The following LRRIQ1 variants were observed in gnomAD, a reference collection of about 807,000 sequenced individuals.
LRRIQ1 encodes the protein leucine-rich repeat- and IQ domain-containing protein 1.
LRRIQ1 carries 210 observed loss-of-function variants against 211.9 expected under a neutral mutation model. That is an observed-to-expected ratio of 0.99 (90% CI 0.89 to 1.11). The LOEUF is 1.11. LRRIQ1 is among the 50% of genes most tolerant of loss of function. The pLI, the probability that LRRIQ1 is intolerant of heterozygous loss-of-function variation, is 0.00. For missense variants in LRRIQ1, 2,136 were observed against 1,939.5 expected, an observed-to-expected ratio of 1.10 and a Z score of -1.90; for synonymous variants, 699 against 650.1, an observed-to-expected ratio of 1.08 and a Z score of -1.14.
chr12:85,196,937 G>A (rs991993066), intron 24 of LRRIQ1, among the ~76,000 whole-genome samples: 8 of 152,068 alleles, frequency 5.3e-5, no homozygotes, highest in African/African-American at 1.9e-4. Context: ...ATCTGACAAA[G>A]GGCTAATATC....
intron 5 of LRRIQ1, among the ~76,000 whole-genome samples, chr12:85,046,456 A>G (rs1879599270): frequency 6.6e-6 from 1 of 152,142 alleles, no homozygotes; most frequent in African/African-American, 2.4e-5. Context: ...TTATTTTTAT[A>G]TTAAGTTTTG....
intron 19 of LRRIQ1, among the ~76,000 whole-genome samples, chr12:85,150,393 A>G (rs886380599): frequency 1.3e-5 from 2 of 151,810 alleles, no homozygotes. Flanking sequence ...CCTGTTTACA[A>G]TTTTACATCA....
At chr12:85,139,716 T>C (rs1889384998) in intron 19 of LRRIQ1, among the ~76,000 whole-genome samples, 1 of 151,438 alleles carries the variant, frequency 6.6e-6, no homozygotes, top group African/African-American at 2.4e-5. Context: ...AGAACACTAT[T>C]GCTCACGTCT....
intron 26 of LRRIQ1, among the ~76,000 whole-genome samples, chr12:85,243,313 T>TTA (rs1895551837): frequency 6.8e-4 from 96 of 140,720 alleles, no homozygotes; most frequent in African/African-American, 2.3e-3. Flanking sequence ...ATGTATAACT[T>TTA]TTATTATTAT....
At chr12:85,156,581 T>TA (rs1273183710) in intron 23 of LRRIQ1, among the ~76,000 whole-genome samples, 1 of 151,844 alleles carries the variant, frequency 6.6e-6, no homozygotes, top group African/African-American at 2.4e-5. Flanking sequence ...ACCATTAACT[T>TA]ACTTGCATCT....
chr12:85,056,518 C>A lies in LRRIQ1; in HGVS notation c.1725C>A (p.Ile575=). 2 of 1,611,158 alleles carry A rather than the reference C, an allele frequency of 1.2e-6. No homozygotes were observed. The highest frequency in any genetic ancestry group is 2.2e-5 in the South Asian group (2 of 90,544). ...AAACCAATGAAGAGCAGAAAATAAT[C>A]AAAGATAATCAGCAGAAAAAGATAC... The part of the protein sequence containing the change: ...EVKTNEEQKI[I]KDNQQKKIQK... The change falls in exon 8 of 27, where the codon ATC becomes ATA. Residue 575 remains isoleucine, a synonymous_variant. Transcript: ENST00000393217.
At chr12:85,242,503 C>A (rs531122445) in intron 26 of LRRIQ1, among the ~76,000 whole-genome samples, 18 of 151,772 alleles carry the variant, frequency 1.2e-4, no homozygotes, top group Non-Finnish European at 2.5e-4. Flanking sequence ...ACATGAGCAT[C>A]CATGGATTTT....
Position 85,164,700 on chromosome 12 carries a change from A to C in LRRIQ1, c.4822+3986A>C, listed in dbSNP as rs150444648. The stretch of plus-strand genomic sequence containing the variant: ...AACATTTTACAGATGATAAAACAGT[A>C]GTATTGAGAGATTGATAGGTGACTT... On this transcript the variant is annotated intron_variant, in intron 24 of 26. Transcript: ENST00000393217. Among the ~76,000 whole-genome samples the C allele has an allele frequency of 7.6e-4, 116 of 152,312 alleles. No individual in the cohort carries two copies. In the East Asian group the frequency reaches 0.019, roughly 24 times the overall value.
At chr12:85,199,151 A>G (rs1592960042) in intron 24 of LRRIQ1, among the ~76,000 whole-genome samples, 1 of 151,932 alleles carries the variant, frequency 6.6e-6, no homozygotes, top group East Asian at 1.9e-4. Context: ...TTTTTGTTGC[A>G]ATTGTTTTTG....
chr12:85,141,268 A>G (rs1889513200), intron 19 of LRRIQ1, among the ~76,000 whole-genome samples: 1 of 151,290 alleles, frequency 6.6e-6, no homozygotes, highest in Non-Finnish European at 1.5e-5. Flanking sequence ...CATTTACTTT[A>G]AGTTTATGGT....
At chr12:85,137,287 AGCTACATTG>A (rs1219463923) in intron 18 of LRRIQ1, among the ~76,000 whole-genome samples, 1 of 151,318 alleles carries the variant, frequency 6.6e-6, no homozygotes, top group East Asian at 1.9e-4. Context: ...ATTTTTTACA[AGCTACATTG>A]TACTTGGAGT....
At chr12:85,187,809 C>CAA (rs749849862) in intron 24 of LRRIQ1, among the ~76,000 whole-genome samples, 115 of 97,578 alleles carry the variant, frequency 1.2e-3, no homozygotes, top group African/African-American at 4.3e-3. Flanking sequence ...AACTTCATCT[C>CAA]AAAAAAAAAA....
downstream of LRRIQ1, among the ~76,000 whole-genome samples, chr12:85,267,292 T>G (rs532274820): frequency 6.6e-6 from 1 of 152,160 alleles, no homozygotes; most frequent in South Asian, 2.1e-4. Context: ...ATACTGTATT[T>G]TATTTAATCT....
rs1565910254 is a variant in LRRIQ1 at position 85,217,712 on chromosome 12, G to GTATATGTGTATATATGTGTA, written c.4823-11800_4823-11799insGTGTATATATGTGTATATAT. Among the ~76,000 whole-genome samples the GTATATGTGTATATATGTGTA allele has an allele frequency of 4.8e-4, 50 of 103,872 alleles. 1 individual carries two copies. In the African/African-American group the frequency reaches 6.8e-3, roughly 14 times the overall value. 68.1% of individuals were successfully genotyped at this position (103,872 alleles called of 152,430 possible). ...TGTGTATATATGTATATATGTGTGT[G>GTATATGTGTATATATGTGTA]TATATATGTATATATGTGTATATAT... On this transcript the variant is annotated intron_variant, in intron 24 of 26. Coordinates refer to ENST00000393217, the MANE Select transcript of LRRIQ1 (RefSeq NM_001079910.2).
intron 1 of LRRIQ1, among the ~76,000 whole-genome samples, chr12:85,257,470 A>T (rs1250432367): frequency 6.6e-6 from 1 of 151,270 alleles, no homozygotes; most frequent in Non-Finnish European, 1.5e-5. Context: ...TCCTTTTAGA[A>T]CTGTGTGCAG....
rs1565921248 is a variant in LRRIQ1 at position 85,236,829 on chromosome 12, G to GTATATATATATATATATATATATA, written c.5016+4073_5016+4074insTATATATATATATATATATATATA. ...TCTGGATATATGTATGTGTATGTGT[G>GTATATATATATATATATATATATA]CATATATATATATATATATATATAT... On this transcript the variant is annotated intron_variant, in intron 26 of 26. Transcript: ENST00000393217. Among the ~76,000 whole-genome samples, 15 of 60,470 alleles carry GTATATATATATATATATATATATA rather than the reference G, an allele frequency of 2.5e-4. 1 individual carries two copies. Among genetic ancestry groups the GTATATATATATATATATATATATA allele is most frequent in the African/African-American group, 2.5e-3 (15 of 6,110 alleles). 39.7% of individuals were successfully genotyped at this position (60,470 alleles called of 152,430 possible).
At chr12:85,145,827 T>G (rs1889856875) in intron 19 of LRRIQ1, among the ~76,000 whole-genome samples, 1 of 151,778 alleles carries the variant, frequency 6.6e-6, no homozygotes, top group African/African-American at 2.4e-5. Flanking sequence ...TCTGTTAGTT[T>G]TATGAACATC....
chr12:85,131,588 C>G (rs181844547), intron 18 of LRRIQ1, among the ~76,000 whole-genome samples: 1 of 152,048 alleles, frequency 6.6e-6, no homozygotes, highest in African/African-American at 2.4e-5. Flanking sequence ...TTTAATGTTA[C>G]TTAACATAGG....
intron 15 of LRRIQ1, among the ~76,000 whole-genome samples, chr12:85,111,433 C>A (rs1052647073): frequency 1.3e-5 from 2 of 151,972 alleles, no homozygotes; most frequent in African/African-American, 4.8e-5. Flanking sequence ...TCATATTCCA[C>A]TCCGTTGACT....
Sources: allele counts gnomAD v4.1 joint callset (sites outside exome capture counted in the v4.1 genomes callset), GRCh38; gene constraint gnomAD v4.1.1; transcripts MANE v1.5; gene names NCBI Gene and HGNC (gene_info 2026-07-23, HGNC 2026-07-21).